WWOX: variants seen among roughly 807,000 people sequenced by gnomAD.
WWOX encodes WW domain-containing oxidoreductase.
A neutral mutation model predicts 46.2 loss-of-function variants in WWOX; 69 were observed. The ratio of observed to expected loss-of-function variants is 1.49; its 90% CI spans 1.23 to 1.82. WWOX has a LOEUF of 1.82. Among genes scored for constraint, WWOX ranks in the 40% most tolerant of loss-of-function variants. The probability of loss-of-function intolerance (pLI) is 0.00; values close to 1 mark genes in which losing one functional copy is unlikely to be tolerated. For missense variants in WWOX, 919 were observed against 542.6 expected, an observed-to-expected ratio of 1.69 and a Z score of -6.89; for synonymous variants, 359 against 202.6, an observed-to-expected ratio of 1.77 and a Z score of -6.56.
At chr16:78,287,069 CG>C (rs1189296546) in intron 5 of WWOX, among the ~76,000 whole-genome samples, 3 of 152,078 alleles carry the variant, frequency 2.0e-5, no homozygotes, top group Middle Eastern at 3.2e-3. Context: ...GGTAATACAA[CG>C]GGACAAGCTT....
intron 8 of WWOX, among the ~76,000 whole-genome samples, chr16:78,768,857 AAGG>A (rs1324725582): frequency 6.6e-6 from 1 of 152,144 alleles, no homozygotes; most frequent in Non-Finnish European, 1.5e-5. Context: ...GTCAAAGAGA[AAGG>A]AGAGCATGAC....
chr16:78,583,782 G>A (rs2045122991), intron 8 of WWOX, among the ~76,000 whole-genome samples: 2 of 152,200 alleles, frequency 1.3e-5, no homozygotes, highest in Admixed American at 1.3e-4. Flanking sequence ...AGCCAAGGGC[G>A]AAGCTGCCTT....
intron 8 of WWOX, among the ~76,000 whole-genome samples, chr16:78,646,014 T>C (rs1405892026): frequency 6.6e-6 from 1 of 152,144 alleles, no homozygotes; most frequent in Non-Finnish European, 1.5e-5. Context: ...TTGTCATCTT[T>C]TTAGGTTTAT....
At chr16:78,927,963 A>C (rs939264401) in intron 8 of WWOX, among the ~76,000 whole-genome samples, 4 of 151,892 alleles carry the variant, frequency 2.6e-5, no homozygotes, top group African/African-American at 9.7e-5. Context: ...CTGAATAAAC[A>C]ATCTCAGGGT....
intron 8 of WWOX, among the ~76,000 whole-genome samples, chr16:78,559,976 A>G (rs1271144749): frequency 6.6e-6 from 1 of 152,180 alleles, no homozygotes; most frequent in Non-Finnish European, 1.5e-5. Flanking sequence ...GAACTAGCCA[A>G]GGTCTCTGGA....
intron 8 of WWOX, among the ~76,000 whole-genome samples, chr16:78,702,075 A>G (rs571531491): frequency 9.3e-6 from 1 of 107,168 alleles, no homozygotes; most frequent in African/African-American, 4.0e-5. Context: ...TATATATATA[A>G]AGTTTTATAT....
At chr16:78,752,947 T>G (rs954758229) in intron 8 of WWOX, among the ~76,000 whole-genome samples, 6 of 152,146 alleles carry the variant, frequency 3.9e-5, no homozygotes, top group African/African-American at 1.2e-4. Flanking sequence ...TCAGTGGGGA[T>G]AATTCTAGGC....
At chr16:79,082,685 G>T (rs532855069) in intron 8 of WWOX, among the ~76,000 whole-genome samples, 1 of 152,148 alleles carries the variant, frequency 6.6e-6, no homozygotes, top group Non-Finnish European at 1.5e-5. Context: ...GCTTCTGCCA[G>T]CACATTTGGA....
At chr16:78,457,307 G>T (rs944462738) in intron 8 of WWOX, among the ~76,000 whole-genome samples, 25 of 152,202 alleles carry the variant, frequency 1.6e-4, no homozygotes, top group Non-Finnish European at 3.5e-4. Flanking sequence ...AAAGCAGCAA[G>T]AAGTCTTTTC....
intron 8 of WWOX, among the ~76,000 whole-genome samples, chr16:78,924,319 G>C (rs1275177431): frequency 4.6e-5 from 7 of 152,104 alleles, no homozygotes; most frequent in Admixed American, 4.6e-4. Context: ...AGGGGGTGGG[G>C]TTGCTTTTAA....
chr16:78,940,261 G>T (rs533204464), intron 8 of WWOX, among the ~76,000 whole-genome samples: 1 of 152,124 alleles, frequency 6.6e-6, no homozygotes, highest in African/African-American at 2.4e-5. Context: ...TATATATTTT[G>T]TATTAAATAA....
At chr16:79,123,082 G>A (rs1051350824) in intron 8 of WWOX, among the ~76,000 whole-genome samples, 2 of 152,202 alleles carry the variant, frequency 1.3e-5, no homozygotes, top group East Asian at 1.9e-4. Context: ...AGGGGAAAAG[G>A]TCTGGTCTTG....
intron 8 of WWOX, among the ~76,000 whole-genome samples, chr16:79,163,751 C>G (rs1047631640): frequency 7.0e-6 from 1 of 143,606 alleles, no homozygotes; most frequent in Non-Finnish European, 1.5e-5. Flanking sequence ...GAGCTGAGAT[C>G]GTGCCATTGC....
chr16:78,223,333 A>G lies in WWOX; in HGVS notation c.516+59044A>G, dbSNP rs897521235. Among the ~76,000 whole-genome samples the G allele has an allele frequency of 2.0e-4, 30 of 152,228 alleles. 1 individual carries two copies. Among genetic ancestry groups the G allele is most frequent in the African/African-American group, 7.2e-4 (30 of 41,524 alleles). On this transcript the variant is annotated intron_variant, in intron 5 of 8. Coordinates refer to ENST00000566780, the MANE Select transcript of WWOX (RefSeq NM_016373.4). ...GCACAGGCGCATCCTACAACAGAGA[A>G]TTGTCTGGCCCCAAAAGTCAATAGT... is the stretch of plus-strand genomic sequence containing the variant.
intron 8 of WWOX, among the ~76,000 whole-genome samples, chr16:78,933,838 G>A (rs2045676561): frequency 6.6e-6 from 1 of 152,140 alleles, no homozygotes; most frequent in Non-Finnish European, 1.5e-5. Flanking sequence ...TGGGAATTGT[G>A]GGAGTTACAA....
intron 8 of WWOX, among the ~76,000 whole-genome samples, chr16:78,499,443 C>T (rs545542946): frequency 1.3e-5 from 2 of 152,162 alleles, no homozygotes; most frequent in Non-Finnish European, 2.9e-5. Flanking sequence ...TCACTTTTTA[C>T]CATAGCTAAC....
intron 8 of WWOX, among the ~76,000 whole-genome samples, chr16:78,678,419 T>C (rs768330688): frequency 1.1e-4 from 16 of 152,184 alleles, no homozygotes; most frequent in Non-Finnish European, 2.4e-4. Context: ...AATGAATGGA[T>C]TATTTTAGTT....
At chr16:79,195,727 A>C (rs2051227054) in intron 8 of WWOX, among the ~76,000 whole-genome samples, 1 of 152,222 alleles carries the variant, frequency 6.6e-6, no homozygotes, top group Non-Finnish European at 1.5e-5. Context: ...GATAATGGTT[A>C]AGTCAGATTC....
chr16:78,667,900 T>C (rs945819785), intron 8 of WWOX, among the ~76,000 whole-genome samples: 2 of 152,122 alleles, frequency 1.3e-5, no homozygotes, highest in African/African-American at 4.8e-5. Flanking sequence ...TCCTTATCTG[T>C]TTCTAGGATG....
Sources: allele counts gnomAD v4.1 joint callset (sites outside exome capture counted in the v4.1 genomes callset), GRCh38; gene constraint gnomAD v4.1.1; transcripts MANE v1.5; gene names NCBI Gene and HGNC (gene_info 2026-07-23, HGNC 2026-07-21).